Variants in CALD1 observed in about 807,000 individuals in gnomAD.
The protein encoded by CALD1 is caldesmon 1, also known as caldesmon.
In CALD1, 33 loss-of-function variants were observed where a neutral mutation model predicts 99.9. The observed-to-expected ratio is 0.33, with a 90% CI of 0.25 to 0.44. The LOEUF is 0.44. Ranked by LOEUF, CALD1 falls within the 20% of genes least tolerant of loss-of-function variation. The pLI is 1.00. For synonymous variants in CALD1, 310 were observed against 325.0 expected (o/e 0.95, Z 0.50); for missense variants, 861 against 962.1 (o/e 0.89, Z 1.39).
chr7:134,910,636 G>A (rs112889548), intron 3 of CALD1, among the ~76,000 whole-genome samples: 72 of 151,930 alleles, frequency 4.7e-4, no homozygotes, highest in African/African-American at 1.2e-3. Flanking sequence ...AAAGACTGAT[G>A]GCACATGCAC....
chr7:134,871,250 A>G (rs1232679244), intron 3 of CALD1, among the ~76,000 whole-genome samples: 1 of 152,216 alleles, frequency 6.6e-6, no homozygotes, highest in Non-Finnish European at 1.5e-5. Context: ...AAAAAAAATA[A>G]TTCTATGGCC....
intron 8 of CALD1, among the ~76,000 whole-genome samples, chr7:134,948,787 T>G (rs1371166712): frequency 6.6e-6 from 1 of 152,190 alleles, no homozygotes; most frequent in Non-Finnish European, 1.5e-5. Flanking sequence ...TAACTCCAAC[T>G]TTCAATGAGC....
At chr7:134,844,773 C>T (rs1289508531) in intron 2 of CALD1, among the ~76,000 whole-genome samples, 2 of 148,440 alleles carry the variant, frequency 1.3e-5, no homozygotes, top group African/African-American at 2.6e-5. Context: ...TGGCCACCTT[C>T]TCCCTGTGTC....
intron 4 of CALD1, among the ~76,000 whole-genome samples, chr7:134,929,646 G>GTATATATATATA (rs1159515485): frequency 1.1e-3 from 9 of 7,880 alleles, no homozygotes; most frequent in East Asian, 0.031. Context: ...GTGTGTGTGT[G>GTATATATATATA]TATATATATA....
rs74543817 is a variant in CALD1, at chr7:134,845,126, G to C, written c.-42+1155G>C. On this transcript the variant is annotated intron_variant, in intron 2 of 14. Coordinates refer to ENST00000361675, the MANE Select transcript of CALD1 (RefSeq NM_033138.4). The stretch of plus-strand genomic sequence containing the variant: ...TTTTAGCGATTACATTACTCTCAGA[G>C]CATCTGCAGTTCTTAGAGTGTATTA... Among the ~76,000 whole-genome samples the C allele has an allele frequency of 1.2e-3, 178 of 152,262 alleles. 1 individual carries two copies. The highest frequency in any genetic ancestry group is 4.2e-3 in the African/African-American group (174 of 41,548).
chr7:134,917,591 C>T (rs761758936), intron 3 of CALD1, among the ~76,000 whole-genome samples: 7 of 152,278 alleles, frequency 4.6e-5, no homozygotes, highest in Admixed American at 2.6e-4. Flanking sequence ...CTCAGATGAT[C>T]CACCCACCTT....
At chr7:134,746,648 G>A (rs1796637599) in intron 1 of CALD1, among the ~76,000 whole-genome samples, 1 of 152,118 alleles carries the variant, frequency 6.6e-6, no homozygotes, top group South Asian at 2.1e-4. Flanking sequence ...AAGGAGAGCT[G>A]TAGAGAAAAC....
At chr7:134,758,525 T>TGTGC in intron 1 of CALD1, among the ~76,000 whole-genome samples, 1 of 151,594 alleles carries the variant, frequency 6.6e-6, no homozygotes, top group Admixed American at 6.6e-5. Flanking sequence ...TGTGTGTGTG[T>TGTGC]GTGTGTGTGT....
chr7:134,778,944 A>T (rs1175641835), upstream of CALD1, among the ~76,000 whole-genome samples: 1 of 152,226 alleles, frequency 6.6e-6, no homozygotes, highest in African/African-American at 2.4e-5. Flanking sequence ...CCTGCTAAAA[A>T]AGACCTACGC....
In CALD1 at chr7:134,920,651, A is replaced by C. The variant is rs141904043; in HGVS notation, c.72-8103A>C. 3,694 of 1,289,342 alleles carry C rather than the reference A, an allele frequency of 2.9e-3. 16 individuals are homozygous for C. Among genetic ancestry groups the C allele is most frequent in the Middle Eastern group, 9.8e-3 (46 of 4,694 alleles). The allele number at this position is 1,289,342 out of a possible 1,614,324, so 79.9% of individuals were successfully genotyped here. ...TTCTCTCAAATGACTTCTTATATGAAAGTGGACAGACAGTGGAATGCAGAA... is the reference window on the plus strand; with the variant it reads ...TTCTCTCAAATGACTTCTTATATGACAGTGGACAGACAGTGGAATGCAGAA... On this transcript the variant is annotated intron_variant, in intron 3 of 14. Transcript: ENST00000361675.
chr7:134,885,686 C>T (rs894568780), intron 3 of CALD1, among the ~76,000 whole-genome samples: 2 of 152,200 alleles, frequency 1.3e-5, no homozygotes, highest in African/African-American at 2.4e-5. Flanking sequence ...CTAGAATTAT[C>T]TCCTGAGTCC....
intron 3 of CALD1, among the ~76,000 whole-genome samples, chr7:134,921,229 T>A (rs1225513062): frequency 6.6e-6 from 1 of 152,270 alleles, no homozygotes; most frequent in Non-Finnish European, 1.5e-5. Flanking sequence ...TAAGCTTATA[T>A]GCACTGGTTT....
rs114625376 is a variant in CALD1 at position 134,887,994 on chromosome 7, T to C, written c.71+20190T>C. On this transcript the variant is annotated intron_variant, in intron 3 of 14. Coordinates refer to ENST00000361675, the MANE Select transcript of CALD1 (RefSeq NM_033138.4). ...AAGGTAGAAGCTGTTCTTAAACAAC[T>C]GCTGCAGACTCTAAAGTCTGGAACA... Among the ~76,000 whole-genome samples the C allele has an allele frequency of 4.6e-3, 696 of 152,330 alleles. 6 individuals are homozygous for C. The highest frequency in any genetic ancestry group is 0.016 in the African/African-American group (672 of 41,578).
chr7:134,721,919 T>C, the CALD1 span, among the ~76,000 whole-genome samples: 2 of 152,174 alleles, frequency 1.3e-5, no homozygotes, highest in African/African-American at 4.8e-5. Flanking sequence ...CTCAATACTT[T>C]GTGATGGGGT....
chr7:134,957,398 ATTAT>A (rs1370360808), intron 9 of CALD1, among the ~76,000 whole-genome samples: 2 of 150,444 alleles, frequency 1.3e-5, no homozygotes, highest in Non-Finnish European at 3.0e-5. Flanking sequence ...TTTTGAAAAA[ATTAT>A]TTGTTTGTTG....
In CALD1 at chr7:134,968,707, A is replaced by G; in HGVS notation, c.*362A>G. Reference sequence around the variant, plus strand: ...CGGAATGTGTGCAGTATCTAGAAAAATGAACCGTAGTTTTTGTTTTTTTAA... The same window carrying G: ...CGGAATGTGTGCAGTATCTAGAAAAGTGAACCGTAGTTTTTGTTTTTTTAA... On this transcript the variant is annotated 3_prime_UTR_variant, in exon 15 of 15. Coordinates refer to ENST00000361675, the MANE Select transcript of CALD1 (RefSeq NM_033138.4). 2.5e-6 allele frequency: 1 copy of G among 393,984 alleles called. No individual in the cohort carries two copies. The highest frequency in any genetic ancestry group is 3.4e-5 in the Admixed American group (1 of 29,836). 24.4% of individuals were successfully genotyped at this position (393,984 alleles called of 1,614,324 possible).
chr7:134,930,209 TG>T (rs1316865962), intron 4 of CALD1, among the ~76,000 whole-genome samples: 1 of 152,290 alleles, frequency 6.6e-6, no homozygotes, highest in East Asian at 1.9e-4. Flanking sequence ...AACTTGAGAA[TG>T]CCTAATAGGT....
intron 13 of CALD1, 33 bp downstream of exon 13, chr7:134,960,661 G>C: frequency 7.5e-7 from 1 of 1,332,402 alleles, no homozygotes; most frequent in Non-Finnish European, 1.1e-6. Context: ...GAGTTTCTTT[G>C]ATCTCCCAGC....
intron 2 of CALD1, among the ~76,000 whole-genome samples, chr7:134,850,202 A>G (rs1800019343): frequency 6.6e-6 from 1 of 152,232 alleles, no homozygotes; most frequent in Non-Finnish European, 1.5e-5. Flanking sequence ...AAGCAGGCCA[A>G]GGCCTCCTGC....
Sources: gnomAD v4.1 joint callset for allele counts (sites outside exome capture counted in the v4.1 genomes callset) on GRCh38, gnomAD v4.1.1 for gene constraint, MANE v1.5 for transcripts, NCBI Gene and HGNC (gene_info 2026-07-23, HGNC 2026-07-21) for gene names.